The following CNTNAP2 variants were observed in gnomAD, a reference collection of about 807,000 sequenced individuals.
The protein encoded by CNTNAP2 is contactin associated protein 2.
A neutral mutation model predicts 155.2 loss-of-function variants in CNTNAP2; 98 were observed. The ratio of observed to expected loss-of-function variants is 0.63; its 90% CI spans 0.54 to 0.75. The LOEUF (loss-of-function observed/expected upper bound fraction) is 0.75, where lower values mean the gene tolerates loss of function less well. Among genes scored for constraint, CNTNAP2 ranks in the 30% least tolerant of loss-of-function variants. The pLI, the probability that CNTNAP2 is intolerant of heterozygous loss-of-function variation, is 0.00. For missense variants in CNTNAP2, 1,727 were observed against 1,688.1 expected (o/e 1.02, Z -0.40); for synonymous variants, 651 against 631.2 (o/e 1.03, Z -0.47).
intron 1 of CNTNAP2, among the ~76,000 whole-genome samples, chr7:146,177,833 A>G (rs1798491310): frequency 1.3e-5 from 2 of 152,040 alleles, no homozygotes; most frequent in Non-Finnish European, 2.9e-5. Context: ...ATTTATTTTT[A>G]CTTTCCTACA....
intron 9 of CNTNAP2, among the ~76,000 whole-genome samples, chr7:147,319,920 A>G (rs1795316657): frequency 1.3e-5 from 2 of 152,196 alleles, no homozygotes; most frequent in African/African-American, 4.8e-5. Flanking sequence ...CATATAGTAA[A>G]TATTTTAAGC....
intron 3 of CNTNAP2, among the ~76,000 whole-genome samples, chr7:146,935,160 C>G (rs1796885627): frequency 6.6e-6 from 1 of 152,130 alleles, no homozygotes; most frequent in Non-Finnish European, 1.5e-5. Context: ...AGATGGCATC[C>G]TTGATGTGAA....
chr7:147,626,464 A>G (rs1387546697), intron 12 of CNTNAP2, among the ~76,000 whole-genome samples: 1 of 152,138 alleles, frequency 6.6e-6, no homozygotes, highest in East Asian at 1.9e-4. Flanking sequence ...CACAGTGGCT[A>G]TAGCAAGCCC....
At chr7:148,224,751 G>A (rs772300542) in intron 19 of CNTNAP2, among the ~76,000 whole-genome samples, 3 of 152,260 alleles carry the variant, frequency 2.0e-5, no homozygotes, top group East Asian at 3.9e-4. Flanking sequence ...TCGCAGTTCC[G>A]CATGGCTGGG....
At chr7:147,552,571 AACACACACACACACAC>A (rs34755315) in intron 11 of CNTNAP2, among the ~76,000 whole-genome samples, 6 of 142,894 alleles carry the variant, frequency 4.2e-5, no homozygotes, top group Non-Finnish European at 4.6e-5. Context: ...TACTTTCCTC[AACACACACACACACAC>A]ACACACACAC....
intron 13 of CNTNAP2, among the ~76,000 whole-genome samples, chr7:147,762,155 T>TCTCACACACA (rs151236161): frequency 1.4e-5 from 2 of 144,350 alleles, no homozygotes; most frequent in African/African-American, 5.1e-5. Flanking sequence ...TCTCTCTGTC[T>TCTCACACACA]CACACACACA....
intron 3 of CNTNAP2, among the ~76,000 whole-genome samples, chr7:146,856,900 A>G (rs745479947): frequency 2.6e-5 from 4 of 152,176 alleles, no homozygotes; most frequent in Non-Finnish European, 5.9e-5. Context: ...GAGTTATTCT[A>G]GGTAAAAGAA....
chr7:147,512,073 T>C (rs1799032875), intron 11 of CNTNAP2, among the ~76,000 whole-genome samples: 1 of 152,220 alleles, frequency 6.6e-6, no homozygotes, highest in South Asian at 2.1e-4. Context: ...GACACATTTT[T>C]GAGAGAAGAA....
chr7:147,126,204 G>A (rs1801231029), intron 6 of CNTNAP2, among the ~76,000 whole-genome samples: 1 of 152,134 alleles, frequency 6.6e-6, no homozygotes, highest in African/African-American at 2.4e-5. Flanking sequence ...TCCCTAATGA[G>A]GGTAGGAAGA....
At chr7:146,458,828 A>G (rs547913514) in intron 1 of CNTNAP2, among the ~76,000 whole-genome samples, 2 of 152,238 alleles carry the variant, frequency 1.3e-5, no homozygotes, top group Admixed American at 6.5e-5. Context: ...ATGAGCAAGA[A>G]AGAATTCTCC....
Position 147,248,820 on chromosome 7 carries a change from T to C in CNTNAP2, c.1349-51321T>C, listed in dbSNP as rs186851937. On this transcript the variant is annotated intron_variant, in intron 8 of 23. Coordinates refer to ENST00000361727, the MANE Select transcript of CNTNAP2 (RefSeq NM_014141.6). ...TTTGATGGGATAGAACTTTGCATAT[T>C]ATTTACATGGTTTTGAAAACAGGCA... 3.9e-5 allele frequency among the ~76,000 whole-genome samples: 6 copies of C among 152,348 alleles called. No homozygotes were observed. In the East Asian group the frequency reaches 5.8e-4, roughly 15 times the overall value.
intron 3 of CNTNAP2, among the ~76,000 whole-genome samples, chr7:146,934,104 G>T (rs1335667918): frequency 1.3e-5 from 2 of 152,002 alleles, no homozygotes; most frequent in Admixed American, 6.6e-5. Context: ...TATACCCAAA[G>T]GACTATAAAT....
chr7:146,973,714 A>G (rs1241237553), intron 3 of CNTNAP2, among the ~76,000 whole-genome samples: 1 of 152,202 alleles, frequency 6.6e-6, no homozygotes, highest in East Asian at 1.9e-4. Flanking sequence ...TATAGTTAAT[A>G]TGAATGGCAG....
intron 1 of CNTNAP2, among the ~76,000 whole-genome samples, chr7:146,692,671 G>A (rs1239643315): frequency 6.6e-6 from 1 of 152,104 alleles, no homozygotes; most frequent in Non-Finnish European, 1.5e-5. Flanking sequence ...CTTGATCACT[G>A]TAAGCATCAG....
chr7:148,225,326 A>T (rs1358913541), intron 19 of CNTNAP2, among the ~76,000 whole-genome samples: 1 of 152,158 alleles, frequency 6.6e-6, no homozygotes, highest in Non-Finnish European at 1.5e-5. Flanking sequence ...AGAAATGATC[A>T]CTGAGAAGAG....
intron 1 of CNTNAP2, among the ~76,000 whole-genome samples, chr7:146,618,181 C>A (rs982234758): frequency 2.6e-5 from 4 of 152,146 alleles, no homozygotes; most frequent in South Asian, 4.1e-4. Flanking sequence ...TGGGCTACAG[C>A]TCAGAAGGCG....
chr7:147,271,115 G>GAA (rs1804740038), intron 8 of CNTNAP2, among the ~76,000 whole-genome samples: 2 of 152,156 alleles, frequency 1.3e-5, no homozygotes, highest in African/African-American at 4.8e-5. Flanking sequence ...AAACAGAAAT[G>GAA]TAAGTAGTTT....
chr7:146,910,688 A>T (rs1796254282), intron 3 of CNTNAP2, among the ~76,000 whole-genome samples: 1 of 150,416 alleles, frequency 6.6e-6, no homozygotes, highest in African/African-American at 2.5e-5. Context: ...GTTAGACCTA[A>T]AACCATAAAA....
At position 147,906,524 on chromosome 7, in the gene CNTNAP2, T is replaced by C. The variant is rs1472597966; in HGVS notation, c.2255+2803T>C. Among the ~76,000 whole-genome samples, 6 of 151,772 alleles carry C rather than the reference T, an allele frequency of 4.0e-5. No homozygotes were observed. In the East Asian group the frequency reaches 1.2e-3, roughly 29 times the overall value. On this transcript the variant is annotated intron_variant, in intron 14 of 23. Coordinates refer to ENST00000361727, the MANE Select transcript of CNTNAP2 (RefSeq NM_014141.6). ...TTTTTTTTTTGAGACAAGGTCTTGC[T>C]CTGTTGCCTGGGCTGGAGTGCAGTG... is the stretch of plus-strand genomic sequence containing the variant.
Sources: allele counts gnomAD v4.1 joint callset (sites outside exome capture counted in the v4.1 genomes callset), GRCh38; gene constraint gnomAD v4.1.1; transcripts MANE v1.5; gene names NCBI Gene and HGNC (gene_info 2026-07-23, HGNC 2026-07-21).